The following GULP1 variants were observed in gnomAD, a reference collection of about 807,000 sequenced individuals.
The protein encoded by GULP1 is PTB domain-containing engulfment adapter protein 1.
A neutral mutation model predicts 40.9 loss-of-function variants in GULP1; 19 were observed. That is an observed-to-expected ratio of 0.46 (90% CI 0.32 to 0.68). The LOEUF (loss-of-function observed/expected upper bound fraction) is 0.68. GULP1 is among the 30% of genes least tolerant of loss of function. The pLI, the probability that GULP1 is intolerant of heterozygous loss-of-function variation, is 0.03. For missense variants in GULP1, 312 were observed against 362.2 expected (o/e 0.86, Z 1.12); for synonymous variants, 119 against 117.6 (o/e 1.01, Z -0.08).
intron 1 of GULP1, among the ~76,000 whole-genome samples, chr2:188,363,308 A>C (rs996864885): frequency 6.6e-6 from 1 of 151,150 alleles, no homozygotes; most frequent in African/African-American, 2.4e-5. Flanking sequence ...GGATCTGTAG[A>C]TGTTATGCAA....
At chr2:188,370,595 A>G (rs886220569) in intron 1 of GULP1, among the ~76,000 whole-genome samples, 3 of 152,170 alleles carry the variant, frequency 2.0e-5, no homozygotes, top group Admixed American at 2.0e-4. Context: ...AACCACTTAT[A>G]CTGGGAATTA....
intron 5 of GULP1, among the ~76,000 whole-genome samples, chr2:188,527,929 C>T (rs1268756276): frequency 1.3e-5 from 2 of 152,102 alleles, no homozygotes; most frequent in Admixed American, 6.6e-5. Context: ...AGGACTAGAA[C>T]GCTGTCTTGC....
intron 2 of GULP1, among the ~76,000 whole-genome samples, chr2:188,419,618 A>G (rs550479736): frequency 4.9e-4 from 74 of 151,626 alleles, no homozygotes; most frequent in Non-Finnish European, 8.2e-4. Flanking sequence ...TCCTCATAAT[A>G]TATGTGTCTT....
intron 2 of GULP1, among the ~76,000 whole-genome samples, chr2:188,441,882 T>A (rs1245525585): frequency 6.6e-6 from 1 of 152,084 alleles, no homozygotes; most frequent in African/African-American, 2.4e-5. Flanking sequence ...GCAACAGATC[T>A]AAAATGGCTT....
chr2:188,395,606 G>T (rs1005053552), intron 2 of GULP1, among the ~76,000 whole-genome samples: 5 of 152,202 alleles, frequency 3.3e-5, no homozygotes, highest in African/African-American at 1.2e-4. Context: ...TCAGCAGAAA[G>T]TTCTGGGATT....
chr2:188,524,755 A>C (rs186238367), intron 5 of GULP1, among the ~76,000 whole-genome samples: 42 of 151,760 alleles, frequency 2.8e-4, no homozygotes, highest in African/African-American at 8.0e-4. Flanking sequence ...AGAAAAAAGA[A>C]CCTTGCTCTT....
intron 1 of GULP1, among the ~76,000 whole-genome samples, chr2:188,347,560 C>CT (rs1445754635): frequency 6.6e-6 from 1 of 150,918 alleles, no homozygotes; most frequent in Non-Finnish European, 1.5e-5. Context: ...TATAGTCATG[C>CT]TTTTAATTAG....
chr2:188,378,970 T>A (rs2048664075), intron 1 of GULP1, among the ~76,000 whole-genome samples: 1 of 152,180 alleles, frequency 6.6e-6, no homozygotes, highest in Admixed American at 6.5e-5. Context: ...TCCTTTATAA[T>A]TTTCTAATTT....
At chr2:188,307,453 A>G (rs1000273414) in intron 1 of GULP1, among the ~76,000 whole-genome samples, 4 of 152,004 alleles carry the variant, frequency 2.6e-5, no homozygotes, top group Non-Finnish European at 5.9e-5. Context: ...TTTTTTTTAC[A>G]AATAAAATAT....
intron 7 of GULP1, among the ~76,000 whole-genome samples, chr2:188,545,714 C>T (rs1691755695): frequency 6.6e-6 from 1 of 151,816 alleles, no homozygotes; most frequent in South Asian, 2.1e-4. Flanking sequence ...AAATAATGTA[C>T]TTAAGCCCTA....
At chr2:188,367,277 T>TTCA (rs2046935512) in intron 1 of GULP1, among the ~76,000 whole-genome samples, 1 of 152,196 alleles carries the variant, frequency 6.6e-6, no homozygotes, top group Non-Finnish European at 1.5e-5. Flanking sequence ...TGTGAACTGG[T>TTCA]CACGATGGTT....
intron 1 of GULP1, among the ~76,000 whole-genome samples, chr2:188,328,466 G>A (rs543527114): frequency 6.6e-6 from 1 of 152,148 alleles, no homozygotes; most frequent in East Asian, 1.9e-4. Context: ...TTGCTATTTT[G>A]CCTCGCCAAC....
At chr2:188,346,231 G>A (rs1421064001) in intron 1 of GULP1, among the ~76,000 whole-genome samples, 1 of 152,158 alleles carries the variant, frequency 6.6e-6, no homozygotes, top group Non-Finnish European at 1.5e-5. Context: ...TTAAATCCAT[G>A]TAATGATCAG....
At chr2:188,315,739 A>G (rs1428025171) in intron 1 of GULP1, among the ~76,000 whole-genome samples, 2 of 152,134 alleles carry the variant, frequency 1.3e-5, no homozygotes. Flanking sequence ...AATCTATGAT[A>G]AGGTTTAATT....
chr2:188,495,853 A>G (rs934152680), intron 4 of GULP1, among the ~76,000 whole-genome samples: 2 of 152,032 alleles, frequency 1.3e-5, no homozygotes, highest in Admixed American at 1.3e-4. Context: ...ACGGAAAAAA[A>G]AGCTTCCGTG....
intron 1 of GULP1, among the ~76,000 whole-genome samples, chr2:188,350,344 G>T (rs948821300): frequency 6.6e-6 from 1 of 151,946 alleles, no homozygotes; most frequent in Non-Finnish European, 1.5e-5. Flanking sequence ...GGGTATATTT[G>T]CCAGTTCTTC....
intron 1 of GULP1, among the ~76,000 whole-genome samples, chr2:188,371,677 T>G (rs1345391792): frequency 6.6e-6 from 1 of 152,120 alleles, no homozygotes; most frequent in Non-Finnish European, 1.5e-5. Context: ...AGATTACTAT[T>G]TAGAAATTAA....
At chr2:188,297,355 C>A in intron 1 of GULP1, 1 of 384,584 alleles carries the variant, frequency 2.6e-6, no homozygotes. Flanking sequence ...AAGGTAAATT[C>A]ACTACTTAGA....
intron 1 of GULP1, among the ~76,000 whole-genome samples, chr2:188,308,216 A>C (rs751685552): frequency 7.9e-5 from 12 of 152,152 alleles, no homozygotes; most frequent in Non-Finnish European, 1.8e-4. Flanking sequence ...TCCTGACATC[A>C]GCACAGTCAT....
Sources: allele counts gnomAD v4.1 joint callset (sites outside exome capture counted in the v4.1 genomes callset), GRCh38; gene constraint gnomAD v4.1.1; transcripts MANE v1.5; gene names NCBI Gene and HGNC (gene_info 2026-07-23, HGNC 2026-07-21).